ILRUN: variants seen among roughly 807,000 people sequenced by gnomAD.
The protein encoded by ILRUN is inflammation and lipid regulator with UBA-like and NBR1-like domains.
ILRUN carries 3 observed loss-of-function variants against 33.8 expected under a neutral mutation model. That is an observed-to-expected ratio of 0.09 (90% CI 0.04 to 0.23). The LOEUF is 0.23. Among genes scored for constraint, ILRUN ranks in the 10% least tolerant of loss-of-function variants. ILRUN has a pLI of 1.00. For synonymous variants in ILRUN, 124 were observed against 138.9 expected (o/e 0.89, Z 0.75); for missense variants, 210 against 375.1 (o/e 0.56, Z 3.64).
chr6:34,695,636 T>C (rs1763751081), intron 1 of ILRUN, among the ~76,000 whole-genome samples: 1 of 152,184 alleles, frequency 6.6e-6, no homozygotes, highest in Non-Finnish European at 1.5e-5. Flanking sequence ...ATTCCCAGCA[T>C]TCTGGTGACC....
intron 4 of ILRUN, among the ~76,000 whole-genome samples, chr6:34,593,098 G>A (rs2294536): frequency 0.066 from 10,019 of 152,130 alleles, 516 homozygotes; most frequent in East Asian, 0.31. Flanking sequence ...AGGATCACTT[G>A]AGCCCAGGAG....
chr6:34,686,689 C>G (rs1206366797), intron 1 of ILRUN: 2 of 211,222 alleles, frequency 9.5e-6, no homozygotes, highest in African/African-American at 4.7e-5. Flanking sequence ...GAAAGGCAGG[C>G]CGGGCGCGGT....
At chr6:34,647,833 G>T (rs1190073708) in intron 2 of ILRUN, among the ~76,000 whole-genome samples, 3 of 152,184 alleles carry the variant, frequency 2.0e-5, no homozygotes, top group Non-Finnish European at 4.4e-5. Flanking sequence ...AAAGTGCTGG[G>T]ATTACAGGTG....
chr6:34,665,292 CAAAAA>C (rs60761039), intron 1 of ILRUN, among the ~76,000 whole-genome samples: 2 of 76,454 alleles, frequency 2.6e-5, no homozygotes, highest in South Asian at 5.1e-4. Flanking sequence ...CCCTTTTCTA[CAAAAA>C]AAAAAAAAAA....
intron 3 of ILRUN, among the ~76,000 whole-genome samples, chr6:34,609,471 C>T (rs1761699515): frequency 6.6e-6 from 1 of 151,394 alleles, no homozygotes; most frequent in Non-Finnish European, 1.5e-5. Flanking sequence ...GCCTGGATGA[C>T]AGAGTAAGAG....
At chr6:34,695,352 T>C (rs1377568418) in intron 1 of ILRUN, among the ~76,000 whole-genome samples, 2 of 152,250 alleles carry the variant, frequency 1.3e-5, no homozygotes, top group African/African-American at 4.8e-5. Flanking sequence ...TTGCTTCACC[T>C]GAAATCCTTT....
chr6:34,631,101 C>T (rs1434691176), intron 3 of ILRUN, among the ~76,000 whole-genome samples: 1 of 152,104 alleles, frequency 6.6e-6, no homozygotes, highest in Non-Finnish European at 1.5e-5. Context: ...CTAATAATTC[C>T]AACACGCCTG....
rs776899019 is a variant in ILRUN at position 34,646,735 on chromosome 6, A to G, written c.377T>C (p.Val126Ala). ...KYVGGDQFGHVNMVMVRSLEP... is the reference protein window; with the variant it reads ...KYVGGDQFGHANMVMVRSLEP... ...TAGCGATCTCACCATCACCATGTTC[A>G]CATGTCCAAATTGGTCTCCCCCGAC... is the stretch of plus-strand genomic sequence containing the variant. Residue 126 changes from valine (V) to alanine (A), a missense_variant, in exon 3 of 5, where the codon GTG (valine) becomes GCG (alanine). Transcript: ENST00000374023. The surrounding 1 kb of genome is among the most constrained non-coding windows in gnomAD (Gnocchi z 4.9). 6.2e-7 allele frequency: 1 copy of G among 1,614,138 alleles called. No individual in the cohort carries two copies. Among genetic ancestry groups the G allele is most frequent in the Non-Finnish European group, 8.5e-7 (1 of 1,180,030 alleles).
rs966415911 is a variant in ILRUN, at chr6:34,606,429, A to G, written c.861+126T>C. The G allele has an allele frequency of 4.1e-4, 275 of 668,614 alleles. 5 individuals are homozygous for G. Among genetic ancestry groups the G allele is most frequent in the East Asian group, 5.5e-5 (2 of 36,672 alleles). 41.4% of individuals were successfully genotyped at this position (668,614 alleles called of 1,614,324 possible). A position where few individuals can be genotyped will look rare whatever the true frequency, so the allele number is the denominator to read the frequency against. ...CTTTTGCATTGTTGCTATTGGCAGG[A>G]GAGCTGAGCAGTCTTAAAGAACCTC... On this transcript the variant is annotated intron_variant, in intron 4 of 4. Coordinates refer to ENST00000374023, the MANE Select transcript of ILRUN (RefSeq NM_024294.4).
At chr6:34,611,219 T>C (rs372318644) in intron 3 of ILRUN, among the ~76,000 whole-genome samples, 1 of 151,892 alleles carries the variant, frequency 6.6e-6, no homozygotes, top group African/African-American at 2.4e-5. Context: ...AGTATTGGGA[T>C]TACAGGCATA....
At chr6:34,683,527 TAC>T (rs67190721) in intron 1 of ILRUN, among the ~76,000 whole-genome samples, 19,995 of 128,944 alleles carry the variant, frequency 0.16, 2,382 homozygotes, top group African/African-American at 0.31. Context: ...TATATATATA[TAC>T]ATATTGCACA....
chr6:34,612,649 G>C (rs1167045634), intron 3 of ILRUN, among the ~76,000 whole-genome samples: 1 of 152,160 alleles, frequency 6.6e-6, no homozygotes, highest in Non-Finnish European at 1.5e-5. Flanking sequence ...GCTCATGCCT[G>C]TAATGCCAGC....
chr6:34,658,325 G>C (rs560809392), intron 1 of ILRUN, among the ~76,000 whole-genome samples: 112 of 147,236 alleles, frequency 7.6e-4, no homozygotes, highest in Middle Eastern at 3.5e-3. Flanking sequence ...TCTGACCTAG[G>C]CAACAAAGTG....
chr6:34,628,346 C>T (rs1388996194), intron 3 of ILRUN, among the ~76,000 whole-genome samples: 5 of 149,970 alleles, frequency 3.3e-5, no homozygotes, highest in Admixed American at 3.3e-4. Context: ...TTTTTTGAGA[C>T]GGAGTCTCAC....
chr6:34,641,426 C>T (rs1348859792), intron 3 of ILRUN, among the ~76,000 whole-genome samples: 1 of 152,146 alleles, frequency 6.6e-6, no homozygotes, highest in Non-Finnish European at 1.5e-5. Context: ...AAATACAGTA[C>T]TTTATAAAAT....
chr6:34,601,986 G>A lies in ILRUN; in HGVS notation c.861+4569C>T, dbSNP rs545809860. Among the ~76,000 whole-genome samples the A allele has an allele frequency of 8.1e-4, 124 of 152,238 alleles. 2 individuals are homozygous for A. The South Asian group carries it at 0.025, about 31-fold the overall frequency. ...GGCAGGGATGGCTCTGGAGGAGCGG[G>A]ATGAACCTCCCCACAAAGATAATAA... On this transcript the variant is annotated intron_variant, in intron 4 of 4. Transcript: ENST00000374023.
At chr6:34,591,955 G>A (rs540061099) in intron 4 of ILRUN, among the ~76,000 whole-genome samples, 2 of 152,284 alleles carry the variant, frequency 1.3e-5, no homozygotes, top group South Asian at 4.1e-4. Flanking sequence ...CTGCTTGGCT[G>A]AGTGGAAGAA....
intron 4 of ILRUN, among the ~76,000 whole-genome samples, chr6:34,597,505 T>C (rs1023098054): frequency 6.6e-6 from 1 of 152,204 alleles, no homozygotes; most frequent in Non-Finnish European, 1.5e-5. Context: ...TCTCAGAATT[T>C]CGATTAAAGC....
chr6:34,599,142 C>A (rs1186814954), intron 4 of ILRUN, among the ~76,000 whole-genome samples: 1 of 152,226 alleles, frequency 6.6e-6, no homozygotes, highest in Admixed American at 6.5e-5. Flanking sequence ...TAGACTCAAA[C>A]TGGATCCCTG....
Sources: allele counts gnomAD v4.1 joint callset (sites outside exome capture counted in the v4.1 genomes callset), GRCh38; gene constraint gnomAD v4.1.1; non-coding constraint Gnocchi (gnomAD v3.1); transcripts MANE v1.5; gene names NCBI Gene and HGNC (gene_info 2026-07-23, HGNC 2026-07-21).